The following FOXO1 variants were observed in gnomAD, a reference collection of about 807,000 sequenced individuals.
FOXO1 encodes the protein forkhead box O1, also known as forkhead box protein O1.
In FOXO1, 6 loss-of-function variants were observed where a neutral mutation model predicts 44.1. The ratio of observed to expected loss-of-function variants is 0.14; its 90% CI spans 0.07 to 0.27. The LOEUF is 0.27. Among genes scored for constraint, FOXO1 ranks in the 10% least tolerant of loss-of-function variants. The pLI is 1.00. For missense variants in FOXO1, 737 were observed against 888.8 expected, an observed-to-expected ratio of 0.83 and a Z score of 2.17; for synonymous variants, 380 against 362.7, an observed-to-expected ratio of 1.05 and a Z score of -0.54.
intron 1 of FOXO1, among the ~76,000 whole-genome samples, chr13:40,665,172 G>A (rs928941635): frequency 4.0e-5 from 6 of 151,866 alleles, no homozygotes; most frequent in African/African-American, 1.4e-4. Context: ...CAGCTCCGCG[G>A]CGCGGCCGGA....
intron 1 of FOXO1, among the ~76,000 whole-genome samples, chr13:40,654,595 C>T (rs182326305): frequency 1.3e-5 from 2 of 151,850 alleles, no homozygotes; most frequent in African/African-American, 4.8e-5. Context: ...TTTTAGGTCT[C>T]GAAGATCTGT....
chr13:40,569,753 T>C (rs1874409401), intron 1 of FOXO1, among the ~76,000 whole-genome samples: 1 of 152,148 alleles, frequency 6.6e-6, no homozygotes, highest in East Asian at 1.9e-4. Context: ...ACAGCAGTTG[T>C]CTGATAATAG....
At chr13:40,573,558 A>G (rs948292421) in intron 1 of FOXO1, among the ~76,000 whole-genome samples, 4 of 152,224 alleles carry the variant, frequency 2.6e-5, no homozygotes, top group South Asian at 2.1e-4. Context: ...CCATATGGAC[A>G]GTGTTCCTTG....
intron 1 of FOXO1, among the ~76,000 whole-genome samples, chr13:40,569,797 G>C (rs1874410774): frequency 6.6e-6 from 1 of 152,084 alleles, no homozygotes; most frequent in Non-Finnish European, 1.5e-5. Flanking sequence ...TTTTTAAATA[G>C]ATTGGGTTTT....
chr13:40,577,923 T>C (rs1252666992), intron 1 of FOXO1, among the ~76,000 whole-genome samples: 2 of 152,166 alleles, frequency 1.3e-5, no homozygotes, highest in African/African-American at 2.4e-5. Flanking sequence ...ATTTATCCTT[T>C]CTGCTTGGCT....
chr13:40,654,155 T>A (rs1877777455), intron 1 of FOXO1, among the ~76,000 whole-genome samples: 1 of 151,532 alleles, frequency 6.6e-6, no homozygotes, highest in Non-Finnish European at 1.5e-5. Flanking sequence ...CTGGAACTGC[T>A]CAAAGAATGA....
At chr13:40,610,642 T>TA (rs1301079788) in intron 1 of FOXO1, among the ~76,000 whole-genome samples, 2 of 152,236 alleles carry the variant, frequency 1.3e-5, no homozygotes, top group African/African-American at 4.8e-5. Context: ...TAAAAATAAC[T>TA]AAGTCATTCT....
chr13:40,664,920 C>T (rs1317199514), intron 1 of FOXO1, among the ~76,000 whole-genome samples: 3 of 151,888 alleles, frequency 2.0e-5, no homozygotes, highest in Non-Finnish European at 4.4e-5. Context: ...CGGTGGCCGC[C>T]CCTTCGCACG....
chr13:40,621,192 GT>G, intron 1 of FOXO1: 2 of 605,166 alleles, frequency 3.3e-6, no homozygotes, highest in East Asian at 5.5e-5. Context: ...AATCTGTAGT[GT>G]TTGTATCAGT....
intron 1 of FOXO1, chr13:40,619,490 G>A (rs1318402126): frequency 6.1e-6 from 8 of 1,307,876 alleles, no homozygotes; most frequent in East Asian, 2.4e-5. Flanking sequence ...GGAGAGTTTC[G>A]GTTTAGTTTG....
At chr13:40,578,145 C>T (rs977703964) in intron 1 of FOXO1, among the ~76,000 whole-genome samples, 3 of 152,038 alleles carry the variant, frequency 2.0e-5, no homozygotes, top group African/African-American at 7.2e-5. Context: ...GGCAGTGGAG[C>T]GGGGGTTGAT....
chr13:40,646,404 A>C (rs1048894802), intron 1 of FOXO1, among the ~76,000 whole-genome samples: 1 of 151,742 alleles, frequency 6.6e-6, no homozygotes, highest in African/African-American at 2.4e-5. Context: ...GCTGGTCTCA[A>C]ACTCCTGACT....
chr13:40,628,089 C>T (rs1876844610), intron 1 of FOXO1, among the ~76,000 whole-genome samples: 1 of 151,894 alleles, frequency 6.6e-6, no homozygotes, highest in Non-Finnish European at 1.5e-5. Flanking sequence ...AGCAAATTAT[C>T]AAAATGTCAA....
chr13:40,560,779 T>C lies in FOXO1; in HGVS notation c.712A>G (p.Met238Val), dbSNP rs1466429792. 6.2e-7 allele frequency: 1 copy of C among 1,614,170 alleles called. No homozygotes were observed. Among genetic ancestry groups the C allele is most frequent in the African/African-American group, 1.3e-5 (1 of 75,042 alleles). ...CTCTTGCCACCCTCTGGATTGAGCA[T>C]CCACCAAGAACTTTTTCCAGTTCCT... is the stretch of plus-strand genomic sequence containing the variant. ...NEGTGKSSWW[M>V]LNPEGGKSGK... The change falls in exon 2 of 3, where the codon ATG becomes GTG. Residue 238 changes from methionine to valine, a missense_variant. Coordinates refer to ENST00000379561, the MANE Select transcript of FOXO1 (RefSeq NM_002015.4). The surrounding 1 kb of genome is among the most constrained non-coding windows in gnomAD (Gnocchi z 5.1).
chr13:40,570,317 A>T (rs2721070), intron 1 of FOXO1, among the ~76,000 whole-genome samples: 31,610 of 151,616 alleles, frequency 0.21, 4,843 homozygotes, highest in East Asian at 0.64. Context: ...TCCAAAAAAA[A>T]AAATAAAATA....
chr13:40,560,467 C>T lies in FOXO1; in HGVS notation c.1024G>A (p.Asp342Asn), dbSNP rs1487795790. 1.2e-6 allele frequency: 2 copies of T among 1,614,102 alleles called. No individual in the cohort carries two copies. Among genetic ancestry groups the T allele is most frequent in the Admixed American group, 3.3e-5 (2 of 60,014 alleles). ...GGCGGGTACACCATAGAATGCACATCCCCTTCTCCAAGATCATCCTGTTCG... is the reference window on the plus strand; with the variant it reads ...GGCGGGTACACCATAGAATGCACATTCCCTTCTCCAAGATCATCCTGTTCG... ...MTEQDDLGEG[D>N]VHSMVYPPSA... Residue 342 changes from aspartate (D) to asparagine (N), a missense_variant, in exon 2 of 3, where the codon GAT becomes AAT. Transcript: ENST00000379561. The surrounding 1 kb of genome is among the most constrained non-coding windows in gnomAD (Gnocchi z 5.1).
chr13:40,656,760 T>C (rs746848641), intron 1 of FOXO1, among the ~76,000 whole-genome samples: 1 of 152,246 alleles, frequency 6.6e-6, no homozygotes, highest in African/African-American at 2.4e-5. Flanking sequence ...CACAGCATTA[T>C]TTTCATAATA....
chr13:40,596,815 T>C (rs950641858), intron 1 of FOXO1, among the ~76,000 whole-genome samples: 2 of 152,212 alleles, frequency 1.3e-5, no homozygotes, highest in Non-Finnish European at 2.9e-5. Flanking sequence ...AGCACTGTAG[T>C]ATACTGAAAA....
chr13:40,575,745 G>C (rs537642735), intron 1 of FOXO1, among the ~76,000 whole-genome samples: 1 of 152,256 alleles, frequency 6.6e-6, no homozygotes, highest in East Asian at 1.9e-4. Context: ...AAGGCTCAAG[G>C]CTCTCCCTGC....
Sources: gnomAD v4.1 joint callset for allele counts (sites outside exome capture counted in the v4.1 genomes callset) on GRCh38, gnomAD v4.1.1 for gene constraint, Gnocchi (gnomAD v3.1) non-coding constraint, MANE v1.5 for transcripts, NCBI Gene and HGNC (gene_info 2026-07-23, HGNC 2026-07-21) for gene names.